Variants in PXDN observed in about 807,000 individuals in gnomAD.
PXDN encodes the protein peroxidasin homolog.
PXDN carries 77 observed loss-of-function variants against 140.3 expected under a neutral mutation model. The ratio of observed to expected loss-of-function variants is 0.55; its 90% confidence interval spans 0.46 to 0.66. The LOEUF (loss-of-function observed/expected upper bound fraction) is 0.66. Ranked by LOEUF, PXDN falls within the 30% of genes least tolerant of loss-of-function variation. The pLI is 0.00. For missense variants in PXDN, 1,838 were observed against 2,039.5 expected (o/e 0.90, Z 1.90); for synonymous variants, 911 against 857.4 (o/e 1.06, Z -1.09).
rs747969270 is a variant in PXDN, at chr2:1,649,038, G to A, written c.2742C>T (p.Asn914=). 125 of 1,612,622 alleles carry A rather than the reference G, an allele frequency of 7.8e-5. 4 individuals are homozygous for A. In the South Asian group the frequency reaches 1.3e-3, roughly 17 times the overall value. ...NQLTSYIDAS[N]VYGSTEHEAR... is the part of the protein sequence containing the mutation. ...CCTCATGCTCCGTGCTCCCGTACAC[G>A]TTGGATGCGTCTATGTAGGAGGTGA... The change falls in exon 17 of 23, where the codon AAC becomes AAT. Residue 914 remains asparagine, a synonymous_variant. Coordinates refer to ENST00000252804, the MANE Select transcript of PXDN (RefSeq NM_012293.3). The surrounding 1 kb of genome is among the most constrained non-coding windows in gnomAD (Gnocchi z 7.1).
chr2:1,660,958 G>A lies in PXDN; in HGVS notation c.1760C>T (p.Ala587Val), dbSNP rs973423334. 1.2e-6 allele frequency: 2 copies of A among 1,614,024 alleles called. No homozygotes were observed. Among genetic ancestry groups the A allele is most frequent in the Admixed American group, 1.7e-5 (1 of 60,030 alleles). ...CACACACTCATAGCGACCTGCGTCT[G>A]CAGGGCCAACGTCATTGATGGTCAA... is the stretch of plus-strand genomic sequence containing the variant. ...GFLTINDVGP[A>V]DAGRYECVAR... The change falls in exon 14 of 23, where the codon GCA (alanine) becomes GTA (valine). Residue 587 changes from alanine to valine, a missense_variant. By Grantham distance (64) the Ala-to-Val change is moderately conservative (BLOSUM62 0). Coordinates refer to ENST00000252804, the MANE Select transcript of PXDN (RefSeq NM_012293.3). This position sits in a 1 kb window ranked among gnomAD's most constrained non-coding sequence, Gnocchi z 4.6.
Position 1,644,681 on chromosome 2 carries a change from C to T in PXDN, c.3680G>A (p.Arg1227Gln), listed in dbSNP as rs370856201. The T allele has an allele frequency of 2.6e-5, 42 of 1,605,412 alleles. No homozygotes were observed. Among genetic ancestry groups the T allele is most frequent in the Non-Finnish European group, 3.4e-5 (40 of 1,174,406 alleles). ...LVVEDLVPGS[R>Q]LGPTLMCLLS... ...AAGACACATCAGGGTGGGGCCCAGC[C>T]GGCTGCCAGGCACCAGGTCCTCCAC... Residue 1227 changes from arginine (R) to glutamine (Q), a missense_variant, in exon 18 of 23, where the codon CGG (arginine) becomes CAG (glutamine). By Grantham distance (43) the Arg-to-Gln change is conservative (BLOSUM62 1). This residue lies in a region of PXDN where 850 missense variants were observed against 894.1 expected (regional missense o/e 0.95). Transcript: ENST00000252804.
chr2:1,740,348 G>A (rs944552712), intron 1 of PXDN, among the ~76,000 whole-genome samples: 5 of 152,204 alleles, frequency 3.3e-5, no homozygotes, highest in African/African-American at 1.2e-4. Context: ...GGTCAGGGAA[G>A]CTCCAAGGAT....
chr2:1,644,864 A>T (rs1329509274), intron 17 of PXDN, 112 bp from the exon 18 acceptor site: 7 of 1,165,712 alleles, frequency 6.0e-6, no homozygotes, highest in Non-Finnish European at 7.8e-6. Flanking sequence ...ATTATTTAGA[A>T]TTTTACTTAA....
At chr2:1,692,074 C>T in intron 2 of PXDN, 75 bp from the exon 3 acceptor site, 1 of 1,115,010 alleles carries the variant, frequency 9.0e-7, no homozygotes, top group Non-Finnish European at 1.3e-6. Context: ...AACATTCCGA[C>T]AGCCTTGGAA....
In PXDN at chr2:1,633,280, T is replaced by C. The variant is rs1451403750; in HGVS notation, c.*924A>G. The C allele has an allele frequency of 2.6e-5, 4 of 151,256 alleles. No individual in the cohort carries two copies. The highest frequency in any genetic ancestry group is 9.7e-5 in the African/African-American group (4 of 41,138). The allele number at this position is 151,256 out of a possible 1,614,324, so 9.4% of individuals were successfully genotyped here. ...CCGGAAGCGGCTCTTGTTCAGGACG[T>C]GGACGCAACCAGGGCCGGCTGGGAG... is the stretch of plus-strand genomic sequence containing the variant. On this transcript the variant is annotated 3_prime_UTR_variant, in exon 23 of 23. Transcript: ENST00000252804.
At position 1,644,710 on chromosome 2, in the gene PXDN, G is replaced by A. The variant is rs375544391; in HGVS notation, c.3651C>T (p.Leu1217=). Residue 1217 remains leucine, a synonymous_variant, in exon 18 of 23, where the codon CTC becomes CTT. Coordinates refer to ENST00000252804, the MANE Select transcript of PXDN (RefSeq NM_012293.3). The part of the protein sequence containing the change: ...STLNIDLFPA[L]VVEDLVPGSR... ...TGCCAGGCACCAGGTCCTCCACCAC[G>A]AGCGCCGGAAACAGGTCGATGTTGA... is the stretch of plus-strand genomic sequence containing the variant. 7.1e-5 allele frequency: 113 copies of A among 1,598,620 alleles called. 1 individual carries two copies. The African/African-American group carries it at 8.6e-4, about 12-fold the overall frequency.
chr2:1,671,298 T>G (rs1010479296), intron 9 of PXDN, among the ~76,000 whole-genome samples: 1 of 152,156 alleles, frequency 6.6e-6, no homozygotes, highest in African/African-American at 2.4e-5. Flanking sequence ...GCAAGAAACA[T>G]AGAAAAGTTT....
At chr2:1,643,689 G>C (rs1031674055) in intron 18 of PXDN, 113 bp from the exon 19 acceptor site, 9 of 1,067,382 alleles carry the variant, frequency 8.4e-6, no homozygotes, top group African/African-American at 1.6e-5. Flanking sequence ...AAACCACTAG[G>C]TTTGATTAGG....
At chr2:1,677,377 G>A (rs966992117) in intron 7 of PXDN, among the ~76,000 whole-genome samples, 5 of 152,208 alleles carry the variant, frequency 3.3e-5, no homozygotes, top group East Asian at 1.9e-4. Context: ...GAGTGGATAC[G>A]CCACGGGTCG....
chr2:1,694,196 T>C (rs1684247261), intron 1 of PXDN, among the ~76,000 whole-genome samples: 1 of 152,210 alleles, frequency 6.6e-6, no homozygotes, highest in Non-Finnish European at 1.5e-5. Context: ...ATCCACATGT[T>C]GAAATGCTCA....
chr2:1,683,850 A>G (rs376757987), intron 5 of PXDN, 123 bp from the exon 6 acceptor site: 25 of 898,172 alleles, frequency 2.8e-5, no homozygotes, highest in East Asian at 2.4e-4. Flanking sequence ...CATTTATTTA[A>G]TACAAATGAA....
Position 1,683,587 on chromosome 2 carries a change from C to A in PXDN, c.560+69G>T, listed in dbSNP as rs918363272. ...ACATTTCACAATACTTGAAAAAGAA[C>A]CAGGTGAATAGATAACAGAGAGAAA... On this transcript the variant is annotated intron_variant, in intron 6 of 22. Coordinates refer to ENST00000252804, the MANE Select transcript of PXDN (RefSeq NM_012293.3). 2.7e-5 allele frequency: 23 copies of A among 855,684 alleles called. 2 individuals carry two copies. In the Middle Eastern group the frequency reaches 3.7e-3, roughly 137 times the overall value. The allele number at this position is 855,684 out of a possible 1,614,324, so 53.0% of individuals were successfully genotyped here. A position where few individuals can be genotyped will look rare whatever the true frequency, so the allele number is the denominator to read the frequency against.
chr2:1,683,929 A>C, intron 5 of PXDN, 151 bp downstream of exon 5: 3 of 906,972 alleles, frequency 3.3e-6, no homozygotes, highest in Non-Finnish European at 5.1e-6. Flanking sequence ...GAAAATTATA[A>C]GTCCTATTTC....
At chr2:1,644,837 T>C in intron 17 of PXDN, 85 bp from the exon 18 acceptor site, 1 of 1,273,228 alleles carries the variant, frequency 7.9e-7, no homozygotes, top group Non-Finnish European at 1.0e-6. Context: ...AGTTCTTTCT[T>C]TCTATCACTA....
Position 1,649,566 on chromosome 2 carries a change from G to A in PXDN, c.2214C>T (p.His738=). The A allele has an allele frequency of 6.2e-7, 1 of 1,614,046 alleles. No homozygotes were observed. The highest frequency in any genetic ancestry group is 8.5e-7 in the Non-Finnish European group (1 of 1,179,896). ...TGCCGTCGTGCGTCCGGTACTTCTG[G>A]TGGAAGCACATGTCCGAGCAGTTGT... ...RVNNCSDMCF[H]QKYRTHDGTC... is the part of the protein sequence containing the mutation. Residue 738 remains histidine (H), a synonymous_variant, in exon 17 of 23, where the codon CAC becomes CAT. Coordinates refer to ENST00000252804, the MANE Select transcript of PXDN (RefSeq NM_012293.3). The surrounding 1 kb of genome is among the most constrained non-coding windows in gnomAD (Gnocchi z 7.1).
intron 14 of PXDN, among the ~76,000 whole-genome samples, chr2:1,658,027 GCTCTCTC>G: frequency 2.0e-4 from 1 of 4,914 alleles, no homozygotes; most frequent in Admixed American, 3.4e-3. Flanking sequence ...TCAGCTGTGG[GCTCTCTC>G]TCTCTCTCTC....
chr2:1,742,211 C>T (rs904022673), intron 1 of PXDN, among the ~76,000 whole-genome samples: 17 of 152,202 alleles, frequency 1.1e-4, no homozygotes, highest in Non-Finnish European at 2.2e-4. Flanking sequence ...GTTTCCACCG[C>T]CAGAAAATGG....
At position 1,680,276 on chromosome 2, in the gene PXDN, G is replaced by A. The variant is rs1305521141; in HGVS notation, c.647C>T (p.Ala216Val). The A allele has an allele frequency of 6.2e-6, 10 of 1,613,788 alleles. No individual in the cohort carries two copies. Among genetic ancestry groups the A allele is most frequent in the South Asian group, 1.1e-5 (1 of 91,058 alleles). ...LLKTYAESGN[A>V]QAAAICEYPR... Reference sequence around the variant, plus strand: ...ATATTCACAGATGGCCGCTGCCTGCGCGTTCCCCGACTCCGCGTAGGTTTT... The same window carrying A: ...ATATTCACAGATGGCCGCTGCCTGCACGTTCCCCGACTCCGCGTAGGTTTT... Residue 216 changes from alanine (A) to valine (V), a missense_variant, in exon 7 of 23, where the codon GCG becomes GTG. This residue lies in a region of PXDN where 208 missense variants were observed against 325.8 expected (regional missense o/e 0.64). Transcript: ENST00000252804.
Sources: gnomAD v4.1 joint callset for allele counts (sites outside exome capture counted in the v4.1 genomes callset) on GRCh38, gnomAD v4.1.1 for gene constraint, gnomAD v4.1.1 regional missense constraint, Gnocchi (gnomAD v3.1) non-coding constraint, MANE v1.5 for transcripts, NCBI Gene and HGNC (gene_info 2026-07-23, HGNC 2026-07-21) for gene names.